Variants in AGAP5 observed in about 807,000 individuals in gnomAD.
The protein encoded by AGAP5 is arf-GAP with GTPase, ANK repeat and PH domain-containing protein 5.
Under a neutral mutation model 27.7 loss-of-function variants are expected in AGAP5, and 8 were observed. The observed-to-expected ratio is 0.29, with a 90% CI of 0.17 to 0.52. The LOEUF (loss-of-function observed/expected upper bound fraction) is 0.52, where lower values mean the gene tolerates loss of function less well. AGAP5 is among the 20% of genes least tolerant of loss of function. AGAP5 has a pLI of 0.97. For synonymous variants in AGAP5, 111 were observed against 338.0 expected (o/e 0.33, Z 7.37); for missense variants, 285 against 880.8 (o/e 0.32, Z 8.56).
At chr10:73,683,420 AAGC>A in intron 4 of AGAP5, among the ~76,000 whole-genome samples, 1 of 125,312 alleles carries the variant, frequency 8.0e-6, no homozygotes, top group Admixed American at 7.8e-5. Context: ...CAGCAATAAA[AAGC>A]AGCCAAGAAT....
chr10:73,689,421 G>T (rs2082094648), intron 4 of AGAP5, among the ~76,000 whole-genome samples: 1 of 140,610 alleles, frequency 7.1e-6, no homozygotes, highest in Admixed American at 7.6e-5. Context: ...CGTCTGGGAA[G>T]TGAGGAGCGT....
intron 6 of AGAP5, among the ~76,000 whole-genome samples, chr10:73,679,287 A>G (rs1385312434): frequency 1.3e-5 from 2 of 151,992 alleles, no homozygotes; most frequent in African/African-American, 2.4e-5. Context: ...CTCAGCCTCC[A>G]GAATAGGTGG....
rs1184985051 is a variant in AGAP5, at chr10:73,694,905, T to C, written c.293-101A>G. On this transcript the variant is annotated intron_variant, in intron 2 of 7. Transcript: ENST00000374094. ...TGCATTTAGGCTATTTCACTATCTC[T>C]ACTTTGATTCTTATACATTGAAATG... 3 of 1,587,992 alleles carry C rather than the reference T, an allele frequency of 1.9e-6. No homozygotes were observed. In the South Asian group the frequency reaches 3.3e-5, roughly 18 times the overall value.
chr10:73,688,201 A>G (rs2082081117), intron 4 of AGAP5, among the ~76,000 whole-genome samples: 2 of 152,244 alleles, frequency 1.3e-5, no homozygotes, highest in African/African-American at 2.4e-5. Flanking sequence ...TGGAACTCCA[A>G]CTTTCTGCGC....
chr10:73,678,125 C>A (rs1213735011), intron 6 of AGAP5, among the ~76,000 whole-genome samples: 1 of 151,954 alleles, frequency 6.6e-6, no homozygotes. Context: ...CAGTGGCTCA[C>A]GCCTGTAAAA....
chr10:73,689,443 C>T (rs1317625190), intron 4 of AGAP5, among the ~76,000 whole-genome samples: 1 of 6,348 alleles, frequency 1.6e-4, no homozygotes, highest in Non-Finnish European at 3.9e-4. Flanking sequence ...TCTGCCTGGC[C>T]GCCCCATCGT....
Position 73,674,915 on chromosome 10 carries a change from C to A in AGAP5, c.1745G>T (p.Cys582Phe). 1 of 1,612,528 alleles carries A rather than the reference C, an allele frequency of 6.2e-7. No individual in the cohort carries two copies. The highest frequency in any genetic ancestry group is 8.5e-7 in the Non-Finnish European group (1 of 1,179,904). ...GTGCTGGCCCAGGGACAGCTCAGTG[C>A]AGGGTAGTGGGGCCAGAAAGAGCTT... ...EEKLFLAPLP[C>F]TELSLGQHLL... The change falls in exon 8 of 8, where the codon TGC (cysteine) becomes TTC (phenylalanine). Residue 582 changes from cysteine (C) to phenylalanine (F), a missense_variant. By Grantham distance (205) the Cys-to-Phe change is radical. Transcript: ENST00000374094.
intron 6 of AGAP5, among the ~76,000 whole-genome samples, chr10:73,677,436 A>G (rs1275068530): frequency 4.2e-5 from 3 of 72,066 alleles, no homozygotes; most frequent in Non-Finnish European, 7.7e-5. Flanking sequence ...CCCAGGCTGG[A>G]GTGCAATGGT....
chr10:73,697,488 A>T, intron 1 of AGAP5, 45 bp downstream of exon 1: 1 of 1,607,734 alleles, frequency 6.2e-7, no homozygotes, highest in Non-Finnish European at 8.5e-7. Flanking sequence ...GGACAGCAGC[A>T]GCCAGAGGCA....
At chr10:73,688,400 C>T (rs2082082247) in intron 4 of AGAP5, among the ~76,000 whole-genome samples, 1 of 151,878 alleles carries the variant, frequency 6.6e-6, no homozygotes, top group Admixed American at 6.6e-5. Context: ...AATCCTGCTT[C>T]CAAATAAAGC....
intron 3 of AGAP5, among the ~76,000 whole-genome samples, chr10:73,692,609 C>G (rs1052862938): frequency 6.8e-6 from 1 of 147,442 alleles, no homozygotes; most frequent in African/African-American, 2.5e-5. Flanking sequence ...GGTCTTTACA[C>G]AACTGGAAAG....
At chr10:73,689,469 C>G (rs1221398639) in intron 4 of AGAP5, among the ~76,000 whole-genome samples, 1 of 150,638 alleles carries the variant, frequency 6.6e-6, no homozygotes, top group African/African-American at 2.4e-5. Flanking sequence ...ATGTGAGGAG[C>G]CCCTCTGCCT....
chr10:73,697,906 T>C lies in AGAP5; in HGVS notation c.-151A>G. 6.5e-7 allele frequency: 1 copy of C among 1,534,172 alleles called. No homozygotes were observed. Among genetic ancestry groups the C allele is most frequent in the Non-Finnish European group, 8.7e-7 (1 of 1,146,000 alleles). ...CCTCACAGCGCGGCCCCGGGCACCA[T>C]CCCTGGCCCCGGCCCCGGCCCCGGC... On this transcript the variant is annotated 5_prime_UTR_variant, in exon 1 of 8. It removes an upstream start codon present in the reference 5' UTR. Transcript: ENST00000374094.
At chr10:73,692,299 T>A (rs1386551917) in intron 3 of AGAP5, among the ~76,000 whole-genome samples, 1 of 152,044 alleles carries the variant, frequency 6.6e-6, no homozygotes, top group Non-Finnish European at 1.5e-5. Context: ...TTCTATTACA[T>A]ACAAATGAAA....
rs1458423913 is a variant in AGAP5 at position 73,674,756 on chromosome 10, C to T, written c.1904G>A (p.Gly635Glu). The change falls in exon 8 of 8, where the codon GGG becomes GAG. Residue 635 changes from glycine (G) to glutamate (E), a missense_variant. Transcript: ENST00000374094. ...CAGGAGCTGTGCCAGGACCACATTC[C>T]CCTTGCGGCAGGCCAGATGGAGCGC... is the stretch of plus-strand genomic sequence containing the variant. ...CTALHLACRK[G>E]NVVLAQLLIW... is the part of the protein sequence containing the mutation. 3 of 1,612,078 alleles carry T rather than the reference C, an allele frequency of 1.9e-6. No homozygotes were observed. In the East Asian group the frequency reaches 6.7e-5, roughly 36 times the overall value.
At position 73,693,531 on chromosome 10, in the gene AGAP5, T is replaced by C. The variant is rs556033514; in HGVS notation, c.361+1205A>G. Among the ~76,000 whole-genome samples the C allele has an allele frequency of 3.3e-5, 5 of 151,742 alleles. No individual in the cohort carries two copies. The East Asian group carries it at 9.7e-4, about 29-fold the overall frequency. On this transcript the variant is annotated intron_variant, in intron 3 of 7. Coordinates refer to ENST00000374094, the MANE Select transcript of AGAP5 (RefSeq NM_001144000.4). ...TGGCCAACATGGGTGAAACCCTGTCTCTACCAAAAATACAGAAATTAGCCA... is the reference window on the plus strand; with the variant it reads ...TGGCCAACATGGGTGAAACCCTGTCCCTACCAAAAATACAGAAATTAGCCA...
chr10:73,697,720 G>T lies in AGAP5; in HGVS notation c.36C>A (p.Ser12Arg). The change falls in exon 1 of 8, where the codon AGC becomes AGA. Residue 12 changes from serine (S) to arginine (R), a missense_variant. Physicochemically the swap from Ser to Arg is moderately radical, Grantham distance 110. Coordinates refer to ENST00000374094, the MANE Select transcript of AGAP5 (RefSeq NM_001144000.4). ...GNILTCCVHP[S>R]VSLEFDQQQG... ...GTTGCTGGTCAAACTCGAGGCTGAC[G>T]CTAGGGTGCACACAACAGGTCAGTA... 1.3e-6 allele frequency: 2 copies of T among 1,597,854 alleles called. No individual in the cohort carries two copies. Among genetic ancestry groups the T allele is most frequent in the Non-Finnish European group, 1.7e-6 (2 of 1,179,774 alleles).
At chr10:73,694,583 A>C (rs951962417) in intron 3 of AGAP5, among the ~76,000 whole-genome samples, 153 bp downstream of exon 3, 3 of 152,336 alleles carry the variant, frequency 2.0e-5, no homozygotes, top group African/African-American at 7.2e-5. Context: ...ATAACAACTA[A>C]AGGAAAGTAT....
chr10:73,676,291 C>CAAAAAA (rs371426814), intron 7 of AGAP5, among the ~76,000 whole-genome samples: 205 of 70,286 alleles, frequency 2.9e-3, no homozygotes, highest in Non-Finnish European at 4.0e-3. Context: ...CCTGTCTTTA[C>CAAAAAA]AAAAAAAAAA....
Sources: allele counts gnomAD v4.1 joint callset (sites outside exome capture counted in the v4.1 genomes callset), GRCh38; gene constraint gnomAD v4.1.1; transcripts MANE v1.5; gene names NCBI Gene and HGNC (gene_info 2026-07-23, HGNC 2026-07-21).